NAV3: variants seen among roughly 807,000 people sequenced by gnomAD.
NAV3 encodes the protein neuron navigator 3, also known as pore membrane and/or filament interacting like protein 1.
In NAV3, 87 loss-of-function variants were observed where a neutral mutation model predicts 244.7. The ratio of observed to expected loss-of-function variants is 0.36; its 90% CI spans 0.30 to 0.42. The LOEUF is 0.42. NAV3 is among the 20% of genes least tolerant of loss of function. NAV3 has a pLI of 1.00. For missense variants in NAV3, 2,663 were observed against 2,893.3 expected (o/e 0.92, Z 1.83); for synonymous variants, 1,126 against 1,042.2 (o/e 1.08, Z -1.55).
At chr12:77,576,066 A>C (rs775905629) in intron 2 of NAV3, among the ~76,000 whole-genome samples, 43 of 152,172 alleles carry the variant, frequency 2.8e-4, no homozygotes, top group Non-Finnish European at 5.6e-4. Flanking sequence ...TGCCAGAGTT[A>C]TTTTCACCTT....
At chr12:78,107,994 T>C (rs908461183) in intron 12 of NAV3, among the ~76,000 whole-genome samples, 1 of 152,172 alleles carries the variant, frequency 6.6e-6, no homozygotes, top group Non-Finnish European at 1.5e-5. Context: ...ATGAATTACA[T>C]TCTCCACCTA....
chr12:77,703,914 A>C (rs942727267), intron 2 of NAV3, among the ~76,000 whole-genome samples: 13 of 152,296 alleles, frequency 8.5e-5, no homozygotes, highest in African/African-American at 2.9e-4. Flanking sequence ...TGTTTTTAAT[A>C]TGACTCCTGG....
At chr12:78,005,999 C>A (rs1874143768) in intron 7 of NAV3, among the ~76,000 whole-genome samples, 1 of 152,048 alleles carries the variant, frequency 6.6e-6, no homozygotes, top group Admixed American at 6.6e-5. Context: ...ACCTCTGCTT[C>A]CCGAGTTCAA....
chr12:78,104,243 G>A (rs1954687343), intron 12 of NAV3, among the ~76,000 whole-genome samples: 1 of 152,130 alleles, frequency 6.6e-6, no homozygotes. Flanking sequence ...TTGAGCCCCA[G>A]TAACATGAAA....
intron 7 of NAV3, among the ~76,000 whole-genome samples, chr12:78,004,596 C>T (rs1873879649): frequency 6.6e-6 from 1 of 152,198 alleles, no homozygotes; most frequent in Non-Finnish European, 1.5e-5. Flanking sequence ...ATATAAATGG[C>T]AACGATTATA....
At chr12:77,853,269 T>G (rs1259751508) in intron 1 of NAV3, among the ~76,000 whole-genome samples, 1 of 152,242 alleles carries the variant, frequency 6.6e-6, no homozygotes, top group Non-Finnish European at 1.5e-5. Context: ...ACTGGCCATT[T>G]GGATATCTTC....
chr12:78,154,901 T>C (rs1957240226), intron 22 of NAV3, among the ~76,000 whole-genome samples: 1 of 152,096 alleles, frequency 6.6e-6, no homozygotes, highest in Admixed American at 6.6e-5. Flanking sequence ...TTTTCCCTTA[T>C]TTGCCTCCTT....
intron 31 of NAV3, among the ~76,000 whole-genome samples, chr12:78,186,703 A>G (rs767431479): frequency 6.6e-6 from 1 of 151,952 alleles, no homozygotes; most frequent in Non-Finnish European, 1.5e-5. Flanking sequence ...AAAAGCTTCC[A>G]TGAAAGTACT....
At chr12:78,138,919 G>A (rs570244725) in intron 19 of NAV3, among the ~76,000 whole-genome samples, 84 of 152,110 alleles carry the variant, frequency 5.5e-4, no homozygotes, top group African/African-American at 1.9e-3. Flanking sequence ...TAGATTGAAG[G>A]GACTTTATTG....
intron 2 of NAV3, among the ~76,000 whole-genome samples, chr12:77,695,152 A>G (rs1273299266): frequency 6.6e-6 from 1 of 152,108 alleles, no homozygotes; most frequent in Non-Finnish European, 1.5e-5. Flanking sequence ...AAGCTTTTTA[A>G]CTAATATGAT....
chr12:77,744,049 A>T, intron 2 of NAV3, among the ~76,000 whole-genome samples: 1 of 151,934 alleles, frequency 6.6e-6, no homozygotes, highest in Middle Eastern at 3.2e-3. Flanking sequence ...ATTCTATGTT[A>T]TTTTCTTTTT....
intron 24 of NAV3, among the ~76,000 whole-genome samples, chr12:78,173,677 C>G (rs1445932639): frequency 6.6e-6 from 1 of 150,568 alleles, no homozygotes; most frequent in Non-Finnish European, 1.5e-5. Flanking sequence ...TTTTGGCATG[C>G]AAAACCAGTT....
chr12:78,015,494 A>ATT (rs34665457), intron 8 of NAV3, among the ~76,000 whole-genome samples: 30,806 of 151,558 alleles, frequency 0.2, 3,339 homozygotes, highest in Middle Eastern at 0.27. Context: ...TATTAAATGT[A>ATT]TTTTTTTTGT....
At chr12:78,087,496 G>T (rs1306112386) in intron 12 of NAV3, among the ~76,000 whole-genome samples, 1 of 151,970 alleles carries the variant, frequency 6.6e-6, no homozygotes, top group Non-Finnish European at 1.5e-5. Flanking sequence ...AGCAAGAAAT[G>T]AGTATTTCAG....
intron 2 of NAV3, among the ~76,000 whole-genome samples, chr12:77,581,888 C>G (rs1201142428): frequency 1.3e-5 from 2 of 152,168 alleles, no homozygotes; most frequent in Admixed American, 6.5e-5. Flanking sequence ...AACTGCATTA[C>G]TAATGGGTTT....
At chr12:78,128,940 C>T (rs2138859528) in intron 18 of NAV3, 74 bp downstream of exon 18, 2 of 1,383,868 alleles carry the variant, frequency 1.4e-6, no homozygotes, top group East Asian at 2.3e-5. Flanking sequence ...TGGAATCTCT[C>T]CATAACACAA....
chr12:78,120,136 C>A (rs1955610477), intron 15 of NAV3, among the ~76,000 whole-genome samples, 191 bp downstream of exon 15: 1 of 152,046 alleles, frequency 6.6e-6, no homozygotes, highest in African/African-American at 2.4e-5. Context: ...AAAAATAGTT[C>A]TCATTTTGAG....
intron 5 of NAV3, among the ~76,000 whole-genome samples, chr12:77,987,214 A>T (rs530880752): frequency 6.6e-6 from 1 of 152,310 alleles, no homozygotes; most frequent in East Asian, 1.9e-4. Flanking sequence ...TCACAAATCT[A>T]TGGAGCAATA....
intron 1 of NAV3, among the ~76,000 whole-genome samples, chr12:77,846,913 GA>G (rs1430787657): frequency 6.6e-6 from 1 of 151,842 alleles, no homozygotes; most frequent in African/African-American, 2.4e-5. Flanking sequence ...TTCCTTTTAT[GA>G]AAAAAGCTTT....
Sources: gnomAD v4.1 joint callset for allele counts (sites outside exome capture counted in the v4.1 genomes callset) on GRCh38, gnomAD v4.1.1 for gene constraint, MANE v1.5 for transcripts, NCBI Gene and HGNC (gene_info 2026-07-23, HGNC 2026-07-21) for gene names.